IGF2R: variants seen among roughly 807,000 people sequenced by gnomAD.
IGF2R encodes the protein cation-independent mannose-6-phosphate receptor.
IGF2R carries 91 observed loss-of-function variants against 270.6 expected under a neutral mutation model. The ratio of observed to expected loss-of-function variants is 0.34; its 90% CI spans 0.28 to 0.40. IGF2R has a LOEUF of 0.40. IGF2R is among the 10% of genes least tolerant of loss of function. IGF2R has a pLI of 1.00. For synonymous variants in IGF2R, 1,316 were observed against 1,258.9 expected, an observed-to-expected ratio of 1.05 and a Z score of -0.96; for missense variants, 2,805 against 3,188.3, an observed-to-expected ratio of 0.88 and a Z score of 2.90.
chr6:159,987,167 G>A (rs1054589309), intron 1 of IGF2R, among the ~76,000 whole-genome samples: 3 of 152,102 alleles, frequency 2.0e-5, no homozygotes, highest in Non-Finnish European at 2.9e-5. Flanking sequence ...TTTCAAACAT[G>A]TGATTTCTTA....
chr6:160,078,429 G>C (rs1778902498), intron 37 of IGF2R, 67 bp downstream of exon 37: 1 of 1,468,920 alleles, frequency 6.8e-7, no homozygotes, highest in Admixed American at 1.7e-5. Flanking sequence ...GAGGCTGCTG[G>C]GAGTGTTTTG....
intron 1 of IGF2R, among the ~76,000 whole-genome samples, chr6:159,972,647 T>C (rs1462829532): frequency 2.0e-5 from 3 of 152,208 alleles, no homozygotes; most frequent in African/African-American, 4.8e-5. Flanking sequence ...GCGAGGCACC[T>C]TGTGGGGGCA....
Position 160,102,380 on chromosome 6 carries a change from GT to G in IGF2R, c.6843-135del. 1.0e-6 allele frequency: 1 copy of G among 963,590 alleles called. No homozygotes were observed. 59.7% of individuals were successfully genotyped at this position (963,590 alleles called of 1,614,324 possible). ...CATGTGGAGTGGGACTTGTGGCCTT[GT>G]TTTCTGGGCAGGAGTAAGAATCACA... On this transcript the variant is annotated intron_variant, in intron 45 of 47. Coordinates refer to ENST00000356956, the MANE Select transcript of IGF2R (RefSeq NM_000876.4). This position sits in a 1 kb window ranked among gnomAD's most constrained non-coding sequence, Gnocchi z 4.5.
chr6:160,060,519 T>A, intron 22 of IGF2R, 28 bp from the exon 23 acceptor site: 2 of 1,612,756 alleles, frequency 1.2e-6, no homozygotes, highest in Non-Finnish European at 1.7e-6. Flanking sequence ...GTTCTGTCTC[T>A]TAAAATCTGG....
intron 10 of IGF2R, among the ~76,000 whole-genome samples, chr6:160,037,477 A>G (rs1777853270): frequency 6.6e-6 from 1 of 152,234 alleles, no homozygotes; most frequent in Non-Finnish European, 1.5e-5. Context: ...TTGAAGGTGA[A>G]CGAGTGTTAA....
At chr6:160,060,506 A>G (rs751597524) in intron 22 of IGF2R, 41 bp from the exon 23 acceptor site, 2 of 1,603,608 alleles carry the variant, frequency 1.2e-6, no homozygotes, top group South Asian at 2.2e-5. Context: ...CGCCATGAAT[A>G]CTGTTCTGTC....
chr6:160,080,387 C>T (rs905472946), intron 39 of IGF2R, 112 bp downstream of exon 39: 4 of 1,074,034 alleles, frequency 3.7e-6, no homozygotes, highest in African/African-American at 3.2e-5. Context: ...AATTCTCTTG[C>T]ATAAAATATT....
chr6:160,048,038 G>T, intron 17 of IGF2R, 131 bp downstream of exon 17: 1 of 700,638 alleles, frequency 1.4e-6, no homozygotes, highest in Non-Finnish European at 2.5e-6. Flanking sequence ...CCAAGGTGGG[G>T]CATTTTCAGC....
chr6:160,046,974 A>G (rs978898321), intron 15 of IGF2R, among the ~76,000 whole-genome samples, 185 bp from the exon 16 acceptor site: 5 of 152,196 alleles, frequency 3.3e-5, no homozygotes, highest in Admixed American at 2.0e-4. Flanking sequence ...AGCGGTGCCA[A>G]GAGGAGATTT....
intron 38 of IGF2R, 110 bp downstream of exon 38, chr6:160,079,897 G>A: frequency 9.1e-7 from 1 of 1,094,198 alleles, no homozygotes; most frequent in Non-Finnish European, 1.3e-6. Context: ...TATGAGTGCT[G>A]TAACCTTGGG....
chr6:160,060,509 GT>G lies in IGF2R; in HGVS notation c.3092-36del. The G allele has an allele frequency of 1.9e-6, 3 of 1,608,178 alleles. No homozygotes were observed. The South Asian group carries it at 3.3e-5, about 18-fold the overall frequency. On this transcript the variant is annotated intron_variant, in intron 22 of 47. Transcript: ENST00000356956. ...GCTTGTGGGCTGCGCCATGAATACT[GT>G]TCTGTCTCTTAAAATCTGGGCCTTC... is the stretch of plus-strand genomic sequence containing the variant.
intron 15 of IGF2R, 105 bp downstream of exon 15, chr6:160,046,750 G>C: frequency 8.3e-7 from 1 of 1,209,076 alleles, no homozygotes; most frequent in Admixed American, 2.6e-5. Context: ...TTTATGACAA[G>C]CATTTAAATA....
At chr6:160,028,198 T>C (rs1181389059) in intron 6 of IGF2R, among the ~76,000 whole-genome samples, 1 of 152,246 alleles carries the variant, frequency 6.6e-6, no homozygotes, top group Non-Finnish European at 1.5e-5. Context: ...GAGGCCTCTC[T>C]CCTTGGCTCG....
chr6:159,978,387 G>A (rs1783726737), intron 1 of IGF2R, among the ~76,000 whole-genome samples: 1 of 152,068 alleles, frequency 6.6e-6, no homozygotes, highest in African/African-American at 2.4e-5. Context: ...CCTGCATGTG[G>A]TGGCTTGGTC....
In IGF2R at chr6:159,969,352, G is replaced by T. The variant is rs992213511; in HGVS notation, c.106G>T (p.Gly36Trp). The T allele has an allele frequency of 9.1e-6, 12 of 1,315,184 alleles. No individual in the cohort carries two copies. Among genetic ancestry groups the T allele is most frequent in the Non-Finnish European group, 1.2e-5 (12 of 1,029,054 alleles). The allele number at this position is 1,315,184 out of a possible 1,614,324, so 81.5% of individuals were successfully genotyped here. The change falls in exon 1 of 48, where the codon GGG becomes TGG. Residue 36 changes from glycine (G) to tryptophan (W), a missense_variant. This residue lies in a region of IGF2R where 954 missense variants were observed against 981.1 expected (regional missense o/e 0.97). Transcript: ENST00000356956. Reference sequence around the variant, plus strand: ...GCTGCTGCTGCTCGTCGCTGCCCCGGGGTCCACGCAGGCCCAGGCCGCCCC... The same window carrying T: ...GCTGCTGCTGCTCGTCGCTGCCCCGTGGTCCACGCAGGCCCAGGCCGCCCC... Reference protein sequence around the residue: ...LQLLLLVAAPGSTQAQAAPFP... With the variant: ...LQLLLLVAAPWSTQAQAAPFP...
chr6:160,102,368 A>T lies in IGF2R; in HGVS notation c.6843-151A>T. ...GCAGCCCTCTTCCATGTGGAGTGGGACTTGTGGCCTTGTTTTCTGGGCAGG... is the reference window on the plus strand; with the variant it reads ...GCAGCCCTCTTCCATGTGGAGTGGGTCTTGTGGCCTTGTTTTCTGGGCAGG... On this transcript the variant is annotated intron_variant, in intron 45 of 47. Coordinates refer to ENST00000356956, the MANE Select transcript of IGF2R (RefSeq NM_000876.4). This position sits in a 1 kb window ranked among gnomAD's most constrained non-coding sequence, Gnocchi z 4.5. 1.2e-6 allele frequency: 1 copy of T among 839,088 alleles called. No individual in the cohort carries two copies. Among genetic ancestry groups the T allele is most frequent in the Admixed American group, 2.4e-5 (1 of 41,248 alleles). 52.0% of individuals were successfully genotyped at this position (839,088 alleles called of 1,614,324 possible). A position where few individuals can be genotyped will look rare whatever the true frequency, so the allele number is the denominator to read the frequency against.
chr6:160,046,735 A>G, intron 15 of IGF2R, 90 bp downstream of exon 15: 1 of 1,352,532 alleles, frequency 7.4e-7, no homozygotes, highest in Non-Finnish European at 1.0e-6. Flanking sequence ...ACTTAATGTC[A>G]TTGCTTTATG....
intron 47 of IGF2R, among the ~76,000 whole-genome samples, chr6:160,104,174 G>A (rs1779559151): frequency 6.6e-6 from 1 of 152,052 alleles, no homozygotes; most frequent in Non-Finnish European, 1.5e-5. Context: ...CAGAAAAGAG[G>A]CATTATCTGG....
At chr6:160,046,383 C>T in intron 14 of IGF2R, 115 bp from the exon 15 acceptor site, 2 of 987,476 alleles carry the variant, frequency 2.0e-6, no homozygotes, top group South Asian at 1.8e-5. Flanking sequence ...TCCACTTCTT[C>T]CTGCCGTTGG....
Sources: allele counts gnomAD v4.1 joint callset (sites outside exome capture counted in the v4.1 genomes callset), GRCh38; gene constraint gnomAD v4.1.1; regional missense constraint gnomAD v4.1.1; non-coding constraint Gnocchi (gnomAD v3.1); transcripts MANE v1.5; gene names NCBI Gene and HGNC (gene_info 2026-07-23, HGNC 2026-07-21).